CLIP1: variants seen among roughly 807,000 people sequenced by gnomAD.
The protein encoded by CLIP1 is CAP-Gly domain-containing linker protein 1.
In CLIP1, 66 loss-of-function variants were observed where a neutral mutation model predicts 161.6. That is an observed-to-expected ratio of 0.41 (90% CI 0.33 to 0.50). The LOEUF is 0.50. Ranked by LOEUF, CLIP1 falls within the 20% of genes least tolerant of loss-of-function variation. The probability of loss-of-function intolerance (pLI) is 0.27; values close to 1 mark genes in which losing one functional copy is unlikely to be tolerated. For synonymous variants in CLIP1, 598 were observed against 626.2 expected, an observed-to-expected ratio of 0.96 and a Z score of 0.67; for missense variants, 1,376 against 1,702.0, an observed-to-expected ratio of 0.81 and a Z score of 3.37.
At chr12:122,414,356 C>T (rs1956651040) in intron 1 of CLIP1, among the ~76,000 whole-genome samples, 1 of 151,878 alleles carries the variant, frequency 6.6e-6, no homozygotes, top group Admixed American at 6.6e-5. Context: ...CAATGTGTTG[C>T]CCAGGCTGAT....
intron 10 of CLIP1, among the ~76,000 whole-genome samples, chr12:122,345,789 CTTT>C (rs538550811): frequency 7.0e-6 from 1 of 143,002 alleles, no homozygotes. Flanking sequence ...ATTTCTTTTT[CTTT>C]TTTTTTTTTT....
At chr12:122,422,179 G>A (rs1027265607) in intron 1 of CLIP1, among the ~76,000 whole-genome samples, 2 of 152,108 alleles carry the variant, frequency 1.3e-5, no homozygotes, top group Non-Finnish European at 2.9e-5. Context: ...AGAGGGAGCG[G>A]GGCGCCAGGG....
At chr12:122,352,218 C>T (rs925154841) in intron 8 of CLIP1, among the ~76,000 whole-genome samples, 13 of 151,992 alleles carry the variant, frequency 8.6e-5, no homozygotes, top group Admixed American at 3.9e-4. Flanking sequence ...CCACCACGCC[C>T]GGCTAATTTT....
At position 122,350,607 on chromosome 12, in the gene CLIP1, G is replaced by C. The variant is rs1952985570; in HGVS notation, c.1401+504C>G. On this transcript the variant is annotated intron_variant, in intron 9 of 25. Coordinates refer to ENST00000620786, the MANE Select transcript of CLIP1 (RefSeq NM_001247997.2). ...CTGCACTGGCAGGCACTGGCCAGTG[G>C]CGGGGGCACACTGAAAAGGCAGCCA... 3.3e-5 allele frequency among the ~76,000 whole-genome samples: 5 copies of C among 152,110 alleles called. No homozygotes were observed. In the South Asian group the frequency reaches 1.0e-3, roughly 32 times the overall value.
chr12:122,367,030 T>C (rs1954207893), intron 3 of CLIP1, among the ~76,000 whole-genome samples: 1 of 152,202 alleles, frequency 6.6e-6, no homozygotes, highest in Admixed American at 6.6e-5. Context: ...CAGCATCATG[T>C]GAGCAGGACA....
At chr12:122,320,021 T>C (rs1951423203) in intron 17 of CLIP1, among the ~76,000 whole-genome samples, 1 of 152,076 alleles carries the variant, frequency 6.6e-6, no homozygotes, top group South Asian at 2.1e-4. Context: ...ACGCCTGTAA[T>C]CCCAGCACTT....
At chr12:122,374,018 G>A (rs1954588411) in intron 3 of CLIP1, among the ~76,000 whole-genome samples, 1 of 152,000 alleles carries the variant, frequency 6.6e-6, no homozygotes, top group African/African-American at 2.4e-5. Flanking sequence ...TAATTCTCAG[G>A]AAGATATTTT....
chr12:122,405,147 T>C (rs909390605), intron 1 of CLIP1, among the ~76,000 whole-genome samples: 1 of 152,196 alleles, frequency 6.6e-6, no homozygotes, highest in Non-Finnish European at 1.5e-5. Context: ...TCCATTCCTG[T>C]CATGACTATT....
intron 3 of CLIP1, among the ~76,000 whole-genome samples, chr12:122,371,243 G>A (rs571830539): frequency 6.6e-6 from 1 of 152,258 alleles, no homozygotes; most frequent in East Asian, 1.9e-4. Flanking sequence ...ACTCAGGCCT[G>A]TGTGGCCAAA....
chr12:122,328,561 A>C (rs1951800794), intron 15 of CLIP1, 135 bp from the exon 16 acceptor site: 1 of 516,976 alleles, frequency 1.9e-6, no homozygotes, highest in African/African-American at 2.3e-5. Flanking sequence ...GAACTAGGCA[A>C]GAAATTTTGT....
intron 18 of CLIP1, among the ~76,000 whole-genome samples, chr12:122,318,672 T>C (rs1189436120): frequency 1.3e-5 from 2 of 152,002 alleles, no homozygotes; most frequent in African/African-American, 4.8e-5. Flanking sequence ...GAAGAAAGGG[T>C]TGGTATGAGC....
At chr12:122,403,006 C>A (rs1956193595) in intron 1 of CLIP1, among the ~76,000 whole-genome samples, 4 of 152,060 alleles carry the variant, frequency 2.6e-5, no homozygotes, top group Admixed American at 2.6e-4. Context: ...CACCACCAGG[C>A]TAGAATACAT....
intron 21 of CLIP1, 32 bp downstream of exon 21, chr12:122,288,456 AC>A: frequency 1.3e-6 from 2 of 1,567,578 alleles, no homozygotes; most frequent in Non-Finnish European, 1.7e-6. Context: ...CTTATTAAAC[AC>A]ACACACATAC....
chr12:122,332,294 T>C (rs1207435211), intron 15 of CLIP1, among the ~76,000 whole-genome samples: 3 of 127,384 alleles, frequency 2.4e-5, no homozygotes, highest in Non-Finnish European at 4.9e-5. Flanking sequence ...AAACTCCGTC[T>C]CAAAAAAAAA....
At chr12:122,278,385 TCTC>T in intron 23 of CLIP1, 182 bp from the exon 24 acceptor site, 1 of 630,958 alleles carries the variant, frequency 1.6e-6, no homozygotes, top group South Asian at 2.0e-5. Flanking sequence ...CCCTACAGGG[TCTC>T]ACAGACACCA....
chr12:122,382,313 G>A (rs992095637), intron 1 of CLIP1, among the ~76,000 whole-genome samples: 6 of 150,432 alleles, frequency 4.0e-5, no homozygotes, highest in Non-Finnish European at 7.4e-5. Flanking sequence ...GTGAGCCCAG[G>A]TTGTGCCATT....
At chr12:122,291,793 T>G (rs1026428250) in intron 20 of CLIP1, among the ~76,000 whole-genome samples, 1 of 152,210 alleles carries the variant, frequency 6.6e-6, no homozygotes. Context: ...TATGTATTTT[T>G]GGGGGATACG....
chr12:122,318,991 T>G (rs1377954249), intron 18 of CLIP1, among the ~76,000 whole-genome samples: 1 of 152,202 alleles, frequency 6.6e-6, no homozygotes, highest in East Asian at 1.9e-4. Context: ...CTCTCACTAG[T>G]GCCATCAGTA....
chr12:122,360,083 G>T (rs1439121526), intron 5 of CLIP1, among the ~76,000 whole-genome samples: 2 of 152,128 alleles, frequency 1.3e-5, no homozygotes, highest in East Asian at 3.9e-4. Flanking sequence ...AGAAGAAGAG[G>T]AAAGAAGAGA....
Sources: allele counts gnomAD v4.1 joint callset (sites outside exome capture counted in the v4.1 genomes callset), GRCh38; gene constraint gnomAD v4.1.1; transcripts MANE v1.5; gene names NCBI Gene and HGNC (gene_info 2026-07-23, HGNC 2026-07-21).